The following LIMA1 variants were observed in gnomAD, a reference collection of about 807,000 sequenced individuals.
LIMA1 encodes the protein LIM domain and actin-binding protein 1.
Under a neutral mutation model 62.6 loss-of-function variants are expected in LIMA1, and 52 were observed. The observed-to-expected ratio is 0.83, with a 90% CI of 0.67 to 1.05. LIMA1 has a LOEUF of 1.05. LIMA1 is among the 50% of genes least tolerant of loss of function. The pLI is 0.00. For synonymous variants in LIMA1, 302 were observed against 317.8 expected (o/e 0.95, Z 0.53); for missense variants, 780 against 902.2 (o/e 0.86, Z 1.74).
chr12:50,224,146 T>C (rs2138564214), intron 3 of LIMA1: 1 of 152,254 alleles, frequency 6.6e-6, no homozygotes, highest in South Asian at 2.1e-4. Flanking sequence ...CAAACTCCAA[T>C]ACCTTCTCTC....
chr12:50,236,363 T>C (rs574831002), intron 2 of LIMA1, among the ~76,000 whole-genome samples: 3 of 149,720 alleles, frequency 2.0e-5, no homozygotes, highest in Non-Finnish European at 4.4e-5. Flanking sequence ...AGTGGCGTGA[T>C]CTCGGCTCAC....
At chr12:50,214,625 G>A (rs1941313815) in intron 4 of LIMA1, among the ~76,000 whole-genome samples, 1 of 152,216 alleles carries the variant, frequency 6.6e-6, no homozygotes, top group South Asian at 2.1e-4. Flanking sequence ...TGACCCACAC[G>A]GTGAAACCCA....
chr12:50,258,185 C>T (rs927052415), intron 1 of LIMA1, among the ~76,000 whole-genome samples: 3 of 152,166 alleles, frequency 2.0e-5, no homozygotes, highest in Non-Finnish European at 4.4e-5. Flanking sequence ...AAGTTAGCAT[C>T]TGGGCACTAC....
At chr12:50,207,225 A>T (rs1941170479) in intron 4 of LIMA1, among the ~76,000 whole-genome samples, 1 of 152,100 alleles carries the variant, frequency 6.6e-6, no homozygotes, top group Non-Finnish European at 1.5e-5. Context: ...GCGCCTGGCC[A>T]ACAAAGATTT....
intron 9 of LIMA1, among the ~76,000 whole-genome samples, chr12:50,190,770 A>C (rs1487330894): frequency 7.0e-6 from 1 of 143,260 alleles, no homozygotes; most frequent in Non-Finnish European, 1.5e-5. Flanking sequence ...CTTTCGTTAA[A>C]AATGTTAATG....
At chr12:50,267,306 C>T (rs1233041213) in intron 1 of LIMA1, among the ~76,000 whole-genome samples, 1 of 152,108 alleles carries the variant, frequency 6.6e-6, no homozygotes, top group African/African-American at 2.4e-5. Context: ...CTGCTGACCT[C>T]GTGATCCACC....
At chr12:50,225,822 G>C (rs1182222232) in intron 3 of LIMA1, among the ~76,000 whole-genome samples, 1 of 152,156 alleles carries the variant, frequency 6.6e-6, no homozygotes, top group Non-Finnish European at 1.5e-5. Context: ...GGGATTATAG[G>C]TGTAAGCCAC....
chr12:50,247,377 C>T (rs1446049598), intron 2 of LIMA1, among the ~76,000 whole-genome samples: 1 of 151,802 alleles, frequency 6.6e-6, no homozygotes, highest in Non-Finnish European at 1.5e-5. Context: ...TGGATGATTG[C>T]CCTGGGAACT....
chr12:50,239,538 A>G (rs764771788), intron 2 of LIMA1, among the ~76,000 whole-genome samples: 1 of 152,142 alleles, frequency 6.6e-6, no homozygotes, highest in African/African-American at 2.4e-5. Context: ...CTACTCGGAG[A>G]CTGAGGTGGG....
intron 4 of LIMA1, among the ~76,000 whole-genome samples, chr12:50,207,376 G>A (rs1052546833): frequency 1.3e-5 from 2 of 152,110 alleles, no homozygotes; most frequent in African/African-American, 4.8e-5. Flanking sequence ...AGTACACAGG[G>A]AGTATGTCAT....
intron 1 of LIMA1, among the ~76,000 whole-genome samples, chr12:50,274,383 A>G (rs1036331204): frequency 6.6e-6 from 1 of 152,188 alleles, no homozygotes; most frequent in Non-Finnish European, 1.5e-5. Flanking sequence ...CGAGAGATGC[A>G]GACCATCCTG....
At chr12:50,181,850 G>A in intron 10 of LIMA1, 54 bp downstream of exon 10, 3 of 1,596,316 alleles carry the variant, frequency 1.9e-6, no homozygotes, top group Non-Finnish European at 2.6e-6. Flanking sequence ...AAAAGCCAAA[G>A]ACTCCCTCTA....
chr12:50,222,305 C>G lies in LIMA1; in HGVS notation c.346G>C (p.Ala116Pro). The G allele has an allele frequency of 6.2e-7, 1 of 1,614,122 alleles. No homozygotes were observed. The highest frequency in any genetic ancestry group is 8.5e-7 in the Non-Finnish European group (1 of 1,180,030). ...AEVTSHAASG[A>P]KADQEEQIHP... ...ATTTGTTCTTCTTGGTCAGCTTTGG[C>G]TCCAGAAGCAGCGTGGCTTGTCACT... is the stretch of plus-strand genomic sequence containing the variant. Residue 116 changes from alanine (A) to proline (P), a missense_variant, in exon 4 of 11, where the codon GCC becomes CCC. Transcript: ENST00000341247.
At chr12:50,250,392 C>T (rs1308836876) in intron 1 of LIMA1, among the ~76,000 whole-genome samples, 1 of 150,724 alleles carries the variant, frequency 6.6e-6, no homozygotes, top group East Asian at 1.9e-4. Context: ...GAGTTTGAGA[C>T]CAGCCTGGGT....
intron 4 of LIMA1, among the ~76,000 whole-genome samples, chr12:50,207,896 A>T (rs1023393016): frequency 6.6e-6 from 1 of 151,668 alleles, no homozygotes; most frequent in Non-Finnish European, 1.5e-5. Context: ...TCTCAAAAAA[A>T]AAAAAAAAGA....
At chr12:50,209,567 C>CAAAAAAAAAAAAAAA (rs1203309856) in intron 4 of LIMA1, among the ~76,000 whole-genome samples, 2 of 61,702 alleles carry the variant, frequency 3.2e-5, no homozygotes, top group African/African-American at 5.6e-5. Context: ...GACTCCATCT[C>CAAAAAAAAAAAAAAA]AAAAAAAAAA....
chr12:50,278,189 G>A (rs1477243506), intron 1 of LIMA1, among the ~76,000 whole-genome samples: 2 of 152,110 alleles, frequency 1.3e-5, no homozygotes, highest in Non-Finnish European at 2.9e-5. Flanking sequence ...GGGAGGCCGA[G>A]GTGGGCGGAT....
At chr12:50,183,834 A>AAC (rs1940566692) in intron 9 of LIMA1, among the ~76,000 whole-genome samples, 20 of 149,776 alleles carry the variant, frequency 1.3e-4, no homozygotes, top group Non-Finnish European at 2.7e-4. Flanking sequence ...AAAAAAAAAA[A>AAC]CCCAAAACAG....
At chr12:50,217,308 C>CTATTAAAGCTTGA in intron 4 of LIMA1, among the ~76,000 whole-genome samples, 1 of 151,988 alleles carries the variant, frequency 6.6e-6, no homozygotes, top group African/African-American at 2.4e-5. Flanking sequence ...TAAAGTGTTT[C>CTATTAAAGCTTGA]TCTCCAGACT....
Sources: gnomAD v4.1 joint callset for allele counts (sites outside exome capture counted in the v4.1 genomes callset) on GRCh38, gnomAD v4.1.1 for gene constraint, MANE v1.5 for transcripts, NCBI Gene and HGNC (gene_info 2026-07-23, HGNC 2026-07-21) for gene names.